Variants in RNASEH1 observed in about 807,000 individuals in gnomAD.
RNASEH1 encodes the protein ribonuclease H1, also known as ribonuclease H type II.
A neutral mutation model predicts 34.6 loss-of-function variants in RNASEH1; 27 were observed. That is an observed-to-expected ratio of 0.78 (90% CI 0.58 to 1.08). The LOEUF (loss-of-function observed/expected upper bound fraction) is 1.08, where lower values mean the gene tolerates loss of function less well. RNASEH1 is among the 50% of genes least tolerant of loss of function. The probability of loss-of-function intolerance (pLI) is 0.00; values close to 1 mark genes in which losing one functional copy is unlikely to be tolerated. For missense variants in RNASEH1, 349 were observed against 373.6 expected (o/e 0.93, Z 0.54); for synonymous variants, 162 against 138.4 (o/e 1.17, Z -1.20).
chr2:3,548,056 C>G lies in RNASEH1; in HGVS notation c.650-1G>C. The G allele has an allele frequency of 6.2e-7, 1 of 1,613,960 alleles. No individual in the cohort carries two copies. The highest frequency in any genetic ancestry group is 8.5e-7 in the Non-Finnish European group (1 of 1,179,912). On this transcript the variant is annotated splice_acceptor_variant, in intron 6 of 7. Coordinates refer to ENST00000315212, the MANE Select transcript of RNASEH1 (RefSeq NM_002936.6). LOFTEE classifies it high-confidence loss of function. ...CAACCTTGAACCCAGTTAGTTATAC[C>G]TACAAAAATGCACGATCACTGGTGA... is the stretch of plus-strand genomic sequence containing the variant.
chr2:3,543,142 A>G lies in RNASEH1; in HGVS notation c.*2643T>C, dbSNP rs1668436391. ...AACAAGCAGCAGAGTCTCACCAATC[A>G]CATGCTGAAGGCTCCCAAAACATGC... On this transcript the variant is annotated 3_prime_UTR_variant, in exon 8 of 8. Transcript: ENST00000315212. Among the ~76,000 whole-genome samples, 1 of 152,002 alleles carries G rather than the reference A, an allele frequency of 6.6e-6. No homozygotes were observed. Among genetic ancestry groups the G allele is most frequent in the Admixed American group, 6.5e-5 (1 of 15,268 alleles).
intron 6 of RNASEH1, 41 bp downstream of exon 6, chr2:3,548,599 A>G (rs978209543): frequency 3.7e-6 from 5 of 1,356,598 alleles, no homozygotes; most frequent in Admixed American, 3.4e-5. Context: ...TTCCCTTCAC[A>G]GTTACTGGAA....
rs1660743342 is a variant in RNASEH1, at chr2:3,558,227, C to A, written c.34G>T (p.Ala12Ser). Reference protein sequence around the residue: ...SWLLFLAHRVALAALPCRRGS... With the variant: ...SWLLFLAHRVSLAALPCRRGS... Reference sequence around the variant, plus strand: ...CGGCGGCAGGGCAAGGCGGCCAAGGCGACTCTGTGGGCCAGGAACAGAAGC... The same window carrying A: ...CGGCGGCAGGGCAAGGCGGCCAAGGAGACTCTGTGGGCCAGGAACAGAAGC... Residue 12 changes from alanine to serine, a missense_variant, in exon 1 of 8, where the codon GCC becomes TCC. This residue lies in a region of RNASEH1 where 256 missense variants were observed against 240.7 expected (regional missense o/e 1.06). Coordinates refer to ENST00000315212, the MANE Select transcript of RNASEH1 (RefSeq NM_002936.6). The A allele has an allele frequency of 1.9e-6, 3 of 1,598,796 alleles. No individual in the cohort carries two copies. The highest frequency in any genetic ancestry group is 1.4e-5 in the African/African-American group (1 of 73,560).
intron 2 of RNASEH1, among the ~76,000 whole-genome samples, chr2:3,552,833 A>G (rs937736678): frequency 1.3e-5 from 2 of 152,078 alleles, no homozygotes; most frequent in Admixed American, 6.5e-5. Flanking sequence ...CCTTTGCTTA[A>G]AAATAGATAA....
Position 3,541,916 on chromosome 2 carries a change from G to A in RNASEH1, c.*3869C>T, listed in dbSNP as rs1236729281. On this transcript the variant is annotated 3_prime_UTR_variant, in exon 8 of 8. Coordinates refer to ENST00000315212, the MANE Select transcript of RNASEH1 (RefSeq NM_002936.6). ...ACCTGTAATCCCAGCACTTTGGGAG[G>A]CCAAGGAAGGAGGATCGCTTGAGGC... 1.3e-5 allele frequency among the ~76,000 whole-genome samples: 2 copies of A among 152,214 alleles called. No individual in the cohort carries two copies. The highest frequency in any genetic ancestry group is 2.4e-5 in the African/African-American group (1 of 41,446).
At chr2:3,557,863 T>A (rs951674327) in intron 1 of RNASEH1, 8 of 1,461,836 alleles carry the variant, frequency 5.5e-6, no homozygotes, top group Non-Finnish European at 7.3e-6. Flanking sequence ...AGATGGAGGA[T>A]TAAACACAGG....
At chr2:3,552,383 G>A in intron 2 of RNASEH1, 75 bp from the exon 3 acceptor site, 9 of 1,412,100 alleles carry the variant, frequency 6.4e-6, no homozygotes, top group Non-Finnish European at 8.8e-6. Flanking sequence ...AAGACATTCA[G>A]TAAATTATTT....
Position 3,548,623 on chromosome 2 carries a change from C to A in RNASEH1, c.649+17G>T. 2 of 1,524,212 alleles carry A rather than the reference C, an allele frequency of 1.3e-6. No individual in the cohort carries two copies. Among genetic ancestry groups the A allele is most frequent in the South Asian group, 2.3e-5 (2 of 88,234 alleles). The allele number at this position is 1,524,212 out of a possible 1,614,324, so 94.4% of individuals were successfully genotyped here. On this transcript the variant is annotated intron_variant, in intron 6 of 7. Transcript: ENST00000315212. ...CAGTTACTGGAAAAACAGAAGAAAT[C>A]AAATGTGAAAGCTTACCATTTATCG... is the stretch of plus-strand genomic sequence containing the variant.
chr2:3,552,048 C>T, intron 3 of RNASEH1, 96 bp downstream of exon 3: 1 of 919,006 alleles, frequency 1.1e-6, no homozygotes, highest in Non-Finnish European at 1.7e-6. Flanking sequence ...ATGATAAACA[C>T]CAGCTCAAAC....
chr2:3,557,117 C>G (rs1660585144), intron 1 of RNASEH1, among the ~76,000 whole-genome samples: 1 of 152,224 alleles, frequency 6.6e-6, no homozygotes, highest in Non-Finnish European at 1.5e-5. Context: ...CACACATCTT[C>G]TTGCATGCTT....
At chr2:3,532,399 C>A in the RNASEH1 span, 3 of 701,052 alleles carry the variant, frequency 4.3e-6, no homozygotes, top group South Asian at 4.5e-5. Flanking sequence ...TTATTTCAGT[C>A]ACTCACTGAA....
At chr2:3,549,856 G>C (rs1005103968) in intron 4 of RNASEH1, among the ~76,000 whole-genome samples, 1 of 151,612 alleles carries the variant, frequency 6.6e-6, no homozygotes, top group Non-Finnish European at 1.5e-5. Context: ...TGAGGAAGGA[G>C]AATGGCGTGA....
downstream of RNASEH1, among the ~76,000 whole-genome samples, chr2:3,538,890 T>C (rs540753862): frequency 6.6e-6 from 1 of 152,330 alleles, no homozygotes; most frequent in Admixed American, 6.5e-5. Flanking sequence ...CAGCAACATA[T>C]GCACTGTTGC....
chr2:3,535,293 G>T, the RNASEH1 span, among the ~76,000 whole-genome samples: 1 of 152,008 alleles, frequency 6.6e-6, no homozygotes, highest in East Asian at 1.9e-4. Context: ...AGGCGTGGTG[G>T]TGTGTGCCTC....
the RNASEH1 span, among the ~76,000 whole-genome samples, chr2:3,535,207 C>T: frequency 1.3e-5 from 2 of 152,002 alleles, no homozygotes; most frequent in African/African-American, 4.8e-5. Context: ...CACCTGAGAT[C>T]AGGAGTTCGA....
chr2:3,557,119 T>G (rs1660585865), intron 1 of RNASEH1, among the ~76,000 whole-genome samples: 1 of 152,258 alleles, frequency 6.6e-6, no homozygotes, highest in South Asian at 2.1e-4. Context: ...CACATCTTCT[T>G]GCATGCTTTA....
At chr2:3,551,286 TG>T (rs1229320451) in intron 3 of RNASEH1, among the ~76,000 whole-genome samples, 1 of 152,210 alleles carries the variant, frequency 6.6e-6, no homozygotes, top group East Asian at 1.9e-4. Context: ...TCCGTTCAGC[TG>T]GAACTTAACT....
intron 6 of RNASEH1, among the ~76,000 whole-genome samples, chr2:3,548,427 G>C (rs533588326): frequency 6.6e-6 from 1 of 152,302 alleles, no homozygotes; most frequent in South Asian, 2.1e-4. Flanking sequence ...TTCCACTTCT[G>C]ACTGCATCTC....
At chr2:3,557,217 T>A (rs1660600913) in intron 1 of RNASEH1, among the ~76,000 whole-genome samples, 1 of 152,236 alleles carries the variant, frequency 6.6e-6, no homozygotes, top group African/African-American at 2.4e-5. Context: ...CTATTTTAAT[T>A]TTTTCCAAAT....
Sources: gnomAD v4.1 joint callset for allele counts (sites outside exome capture counted in the v4.1 genomes callset) on GRCh38, gnomAD v4.1.1 for gene constraint, gnomAD v4.1.1 regional missense constraint, MANE v1.5 for transcripts, NCBI Gene and HGNC (gene_info 2026-07-23, HGNC 2026-07-21) for gene names.